The following DEPDC1B variants were observed in gnomAD, a reference collection of about 807,000 sequenced individuals.
The protein encoded by DEPDC1B is DEP domain containing 1B, also known as DEP domain-containing protein 1B.
DEPDC1B carries 51 observed loss-of-function variants against 66.5 expected under a neutral mutation model. The ratio of observed to expected loss-of-function variants is 0.77; its 90% CI spans 0.61 to 0.97. The LOEUF is 0.97. DEPDC1B is among the 50% of genes least tolerant of loss of function. DEPDC1B has a pLI of 0.00. For missense variants in DEPDC1B, 552 were observed against 637.1 expected (o/e 0.87, Z 1.44); for synonymous variants, 226 against 223.6 (o/e 1.01, Z -0.10).
chr5:60,618,983 CAT>C lies in DEPDC1B; in HGVS notation c.899-13129_899-13128del, dbSNP rs1437236309. Among the ~76,000 whole-genome samples the C allele has an allele frequency of 3.3e-5, 5 of 152,290 alleles. No homozygotes were observed. In the East Asian group the frequency reaches 7.7e-4, roughly 24 times the overall value. On this transcript the variant is annotated intron_variant, in intron 7 of 10. Coordinates refer to ENST00000265036, the MANE Select transcript of DEPDC1B (RefSeq NM_018369.3). ...TCCCTGGGATGCAAGGCTGGTTCAA[CAT>C]ATGAAAATCAATAAACGTAATCCAG...
At chr5:60,658,943 CT>C (rs924524268) in intron 2 of DEPDC1B, among the ~76,000 whole-genome samples, 2 of 152,332 alleles carry the variant, frequency 1.3e-5, no homozygotes, top group Non-Finnish European at 2.9e-5. Context: ...AGCAGGGTGT[CT>C]GCTGTGCTTC....
intron 10 of DEPDC1B, among the ~76,000 whole-genome samples, 167 bp downstream of exon 10, chr5:60,598,908 A>C (rs1179797050): frequency 6.6e-6 from 1 of 152,194 alleles, no homozygotes; most frequent in Non-Finnish European, 1.5e-5. Flanking sequence ...TAGGATACTG[A>C]CCACAAGTGT....
intron 7 of DEPDC1B, among the ~76,000 whole-genome samples, chr5:60,622,732 G>GA (rs1752731080): frequency 6.6e-6 from 1 of 152,210 alleles, no homozygotes; most frequent in Admixed American, 6.5e-5. Flanking sequence ...ATTTTAGTGT[G>GA]TACATGGTAG....
Position 60,699,076 on chromosome 5 carries a change from G to T in DEPDC1B, c.48+970C>A, listed in dbSNP as rs1754718132. ...TCTCTTCCAGAAGCTGGCCTTCTCAGCTCTGGCTTGACTTACTGGTATAGT... is the reference window on the plus strand; with the variant it reads ...TCTCTTCCAGAAGCTGGCCTTCTCATCTCTGGCTTGACTTACTGGTATAGT... On this transcript the variant is annotated intron_variant, in intron 1 of 10. Coordinates refer to ENST00000265036, the MANE Select transcript of DEPDC1B (RefSeq NM_018369.3). Among the ~76,000 whole-genome samples, 3 of 152,138 alleles carry T rather than the reference G, an allele frequency of 2.0e-5. No homozygotes were observed. The South Asian group carries it at 6.2e-4, about 32-fold the overall frequency.
At chr5:60,598,476 G>GTA (rs1395104469) in intron 10 of DEPDC1B, among the ~76,000 whole-genome samples, 1 of 151,918 alleles carries the variant, frequency 6.6e-6, no homozygotes, top group African/African-American at 2.4e-5. Flanking sequence ...ATCCAACTAT[G>GTA]TAGAGTTCAG....
chr5:60,615,384 T>A (rs1752521815), intron 7 of DEPDC1B, among the ~76,000 whole-genome samples: 1 of 152,160 alleles, frequency 6.6e-6, no homozygotes, highest in African/African-American at 2.4e-5. Context: ...GGTCAGGGAA[T>A]TCCCTTTCCT....
chr5:60,694,594 GA>G (rs1231352327), intron 1 of DEPDC1B, among the ~76,000 whole-genome samples: 1 of 152,146 alleles, frequency 6.6e-6, no homozygotes, highest in Non-Finnish European at 1.5e-5. Flanking sequence ...CTATGTAAAA[GA>G]AATGATAGAT....
At chr5:60,691,173 T>G (rs919679404) in intron 1 of DEPDC1B, among the ~76,000 whole-genome samples, 1 of 151,638 alleles carries the variant, frequency 6.6e-6, no homozygotes, top group African/African-American at 2.4e-5. Flanking sequence ...CCTGCCTCAG[T>G]CTCCCAAGTA....
intron 1 of DEPDC1B, chr5:60,688,935 C>A: frequency 2.3e-6 from 1 of 432,776 alleles, no homozygotes; most frequent in Non-Finnish European, 4.6e-6. Flanking sequence ...CTCGTTTTGT[C>A]AAATCAAGTA....
intron 1 of DEPDC1B, among the ~76,000 whole-genome samples, chr5:60,691,656 A>T (rs1447147838): frequency 6.6e-6 from 1 of 152,224 alleles, no homozygotes; most frequent in Non-Finnish European, 1.5e-5. Flanking sequence ...AAATGAAAAA[A>T]AAATTTAAAC....
At chr5:60,635,246 T>C (rs1301713638) in intron 7 of DEPDC1B, among the ~76,000 whole-genome samples, 1 of 152,112 alleles carries the variant, frequency 6.6e-6, no homozygotes, top group Non-Finnish European at 1.5e-5. Flanking sequence ...TACCATGGGA[T>C]AGGGACCCTG....
chr5:60,609,638 T>A (rs1444644424), intron 7 of DEPDC1B, among the ~76,000 whole-genome samples: 1 of 152,214 alleles, frequency 6.6e-6, no homozygotes, highest in Non-Finnish European at 1.5e-5. Context: ...CTGTAAGGAC[T>A]GGTTAGGTCT....
chr5:60,699,443 G>GAAAAAAACAAAAAAAAAAAAAAA (rs1754728119), intron 1 of DEPDC1B, among the ~76,000 whole-genome samples: 1 of 89,380 alleles, frequency 1.1e-5, no homozygotes, highest in Non-Finnish European at 2.0e-5. Flanking sequence ...TTTTCTCCCA[G>GAAAAAAACAAAAAAAAAAAAAAA]AAAAAAAAAA....
chr5:60,677,295 GACACAC>G (rs770270774), intron 2 of DEPDC1B, among the ~76,000 whole-genome samples: 14 of 113,788 alleles, frequency 1.2e-4, no homozygotes, highest in South Asian at 9.6e-4. Context: ...TTTTCATACA[GACACAC>G]ACACACACAC....
intron 2 of DEPDC1B, among the ~76,000 whole-genome samples, chr5:60,653,491 G>A (rs1409848247): frequency 6.6e-6 from 1 of 152,114 alleles, no homozygotes; most frequent in Non-Finnish European, 1.5e-5. Context: ...CTCGTACATT[G>A]TGGATATTAG....
At chr5:60,685,967 G>C (rs1010997118) in intron 2 of DEPDC1B, among the ~76,000 whole-genome samples, 2 of 152,194 alleles carry the variant, frequency 1.3e-5, no homozygotes, top group African/African-American at 4.8e-5. Flanking sequence ...AGAGACTGCT[G>C]ATGAAACTCC....
intron 2 of DEPDC1B, among the ~76,000 whole-genome samples, chr5:60,666,074 C>T (rs867799270): frequency 8.5e-5 from 13 of 152,170 alleles, no homozygotes; most frequent in Admixed American, 4.6e-4. Flanking sequence ...AGCTTTCGCT[C>T]GCCGTCCACC....
At chr5:60,617,735 A>G (rs1273185281) in intron 7 of DEPDC1B, among the ~76,000 whole-genome samples, 1 of 152,222 alleles carries the variant, frequency 6.6e-6, no homozygotes, top group African/African-American at 2.4e-5. Context: ...TCCACATGAC[A>G]GAAAGTTAAC....
chr5:60,673,889 A>G (rs1006886981), intron 2 of DEPDC1B, among the ~76,000 whole-genome samples: 1 of 152,116 alleles, frequency 6.6e-6, no homozygotes, highest in African/African-American at 2.4e-5. Flanking sequence ...TGCTCCTTTC[A>G]TATTTCTGGA....
Sources: allele counts gnomAD v4.1 joint callset (sites outside exome capture counted in the v4.1 genomes callset), GRCh38; gene constraint gnomAD v4.1.1; transcripts MANE v1.5; gene names NCBI Gene and HGNC (gene_info 2026-07-23, HGNC 2026-07-21).